Variants in SPATA33 observed in about 807,000 individuals in gnomAD.
SPATA33 encodes spermatogenesis-associated protein 33.
A neutral mutation model predicts 8.9 loss-of-function variants in SPATA33; 10 were observed. The observed-to-expected ratio is 1.12, with a 90% CI of 0.69 to 1.90. SPATA33 has a LOEUF of 1.90. SPATA33 is among the 40% of genes most tolerant of loss of function. The pLI is 0.00. For missense variants in SPATA33, 241 were observed against 178.3 expected (o/e 1.35, Z -2.00); for synonymous variants, 96 against 72.8 (o/e 1.32, Z -1.63).
At chr16:89,658,046 C>T (rs1009427002) in intron 1 of SPATA33, 98 bp downstream of exon 1, 1 of 1,455,336 alleles carries the variant, frequency 6.9e-7, no homozygotes, top group Non-Finnish European at 9.0e-7. Flanking sequence ...GCGCAGGCGC[C>T]AGGCTCGGCC....
At chr16:89,658,223 C>G in intron 1 of SPATA33, 25 bp from the exon 2 acceptor site, 1 of 1,613,462 alleles carries the variant, frequency 6.2e-7, no homozygotes, top group South Asian at 1.1e-5. Context: ...AGTCCCGGGT[C>G]TAACGGATGA....
intron 2 of SPATA33, 31 bp from the exon 3 acceptor site, chr16:89,669,255 C>T: frequency 6.2e-7 from 1 of 1,601,024 alleles, no homozygotes; most frequent in Middle Eastern, 1.7e-4. Flanking sequence ...TTCCACACAT[C>T]TACTAAATGC....
At chr16:89,662,418 A>C (rs1597803609) in intron 2 of SPATA33, among the ~76,000 whole-genome samples, 1 of 149,962 alleles carries the variant, frequency 6.7e-6, no homozygotes, top group Admixed American at 6.6e-5. Context: ...GTGTTTGAAC[A>C]CTTTTTTTTT....
rs1414984500 is a variant in SPATA33, at chr16:89,669,878, A to C, written c.*381A>C. ...GGGGAGGGTACACCAGGGTTGCCCCACCCTGTGAGAAGCCACCGCCCCCTT... is the reference window on the plus strand; with the variant it reads ...GGGGAGGGTACACCAGGGTTGCCCCCCCCTGTGAGAAGCCACCGCCCCCTT... On this transcript the variant is annotated 3_prime_UTR_variant, in exon 3 of 3. Coordinates refer to ENST00000579310, the MANE Select transcript of SPATA33 (RefSeq NM_001271907.2). 5 of 191,450 alleles carry C rather than the reference A, an allele frequency of 2.6e-5. No individual in the cohort carries two copies. Among genetic ancestry groups the C allele is most frequent in the African/African-American group, 6.3e-5 (2 of 31,956 alleles). 11.9% of individuals were successfully genotyped at this position (191,450 alleles called of 1,614,324 possible).
chr16:89,663,227 G>A (rs887067176), intron 2 of SPATA33, among the ~76,000 whole-genome samples: 3 of 150,208 alleles, frequency 2.0e-5, no homozygotes, highest in East Asian at 2.0e-4. Context: ...GTCACATGCT[G>A]TATGATTCCA....
Position 89,658,393 on chromosome 16 carries a change from G to A in SPATA33, c.183G>A (p.Lys61=). 2 of 1,611,450 alleles carry A rather than the reference G, an allele frequency of 1.2e-6. No homozygotes were observed. The highest frequency in any genetic ancestry group is 2.2e-5 in the South Asian group (2 of 90,966). The change falls in exon 2 of 3, where the codon AAG becomes AAA. Residue 61 remains lysine (K), a synonymous_variant. Coordinates refer to ENST00000579310, the MANE Select transcript of SPATA33 (RefSeq NM_001271907.2). ...TCCACCCGGGGGCCGGGACAGCCAA[G>A]CACCCGCCGCCGGCAGCTTCGCTGG... ...DSLHPGAGTA[K]HPPPAASLEE...
chr16:89,666,142 A>G (rs1014887840), intron 2 of SPATA33, among the ~76,000 whole-genome samples: 1 of 152,098 alleles, frequency 6.6e-6, no homozygotes, highest in African/African-American at 2.4e-5. Context: ...CAGAGGCATG[A>G]GGGGGTCGGG....
At chr16:89,665,242 G>T (rs1231606698) in intron 2 of SPATA33, among the ~76,000 whole-genome samples, 1 of 152,012 alleles carries the variant, frequency 6.6e-6, no homozygotes, top group East Asian at 1.9e-4. Context: ...CAATCTGCCT[G>T]CTTCAGCCTC....
chr16:89,658,272 C>G lies in SPATA33; in HGVS notation c.62C>G (p.Thr21Ser). 1 of 1,614,160 alleles carries G rather than the reference C, an allele frequency of 6.2e-7. No homozygotes were observed. The highest frequency in any genetic ancestry group is 8.5e-7 in the Non-Finnish European group (1 of 1,180,022). The change falls in exon 2 of 3, where the codon ACC becomes AGC. Residue 21 changes from threonine to serine, a missense_variant. Thr to Ser is a moderately conservative substitution (Grantham distance 58). Transcript: ENST00000579310. ...RKGEEQKKGS[T>S]YSVPKSKEKL... Reference sequence around the variant, plus strand: ...GGTGAGGAGCAAAAGAAGGGATCCACCTATTCAGTTCCAAAATCTAAGGAG... The same window carrying G: ...GGTGAGGAGCAAAAGAAGGGATCCAGCTATTCAGTTCCAAAATCTAAGGAG...
chr16:89,658,117 G>C, intron 1 of SPATA33, 131 bp from the exon 2 acceptor site: 3 of 1,510,268 alleles, frequency 2.0e-6, no homozygotes, highest in Non-Finnish European at 2.6e-6. Flanking sequence ...GCCTGAGGCG[G>C]TTACGGAAAC....
intron 2 of SPATA33, among the ~76,000 whole-genome samples, chr16:89,662,456 G>T (rs1362231605): frequency 1.4e-5 from 2 of 146,582 alleles, no homozygotes; most frequent in Admixed American, 6.9e-5. Context: ...CCTTCTTGTT[G>T]CCCAGGCTGG....
At chr16:89,663,775 A>G (rs2059991713) in intron 2 of SPATA33, among the ~76,000 whole-genome samples, 1 of 152,064 alleles carries the variant, frequency 6.6e-6, no homozygotes, top group Non-Finnish European at 1.5e-5. Context: ...CACTCATAGT[A>G]CCGGAGTCCA....
intron 2 of SPATA33, chr16:89,659,271 C>G (rs2059931959): frequency 6.6e-6 from 1 of 152,322 alleles, no homozygotes; most frequent in African/African-American, 2.4e-5. Context: ...CCAGCAAGGC[C>G]TTGCAGTAGG....
At chr16:89,664,090 G>T (rs1404669287) in intron 2 of SPATA33, among the ~76,000 whole-genome samples, 2 of 152,142 alleles carry the variant, frequency 1.3e-5, no homozygotes, top group Non-Finnish European at 2.9e-5. Flanking sequence ...CTGCCCTCCA[G>T]CCCCGGCGAC....
chr16:89,658,577 G>A, intron 2 of SPATA33, 156 bp downstream of exon 2: 1 of 928,666 alleles, frequency 1.1e-6, no homozygotes, highest in Non-Finnish European at 1.6e-6. Flanking sequence ...TTATGTAGGA[G>A]GTAAATATCC....
chr16:89,668,375 G>A (rs1009721041), intron 2 of SPATA33, among the ~76,000 whole-genome samples: 7 of 152,202 alleles, frequency 4.6e-5, no homozygotes, highest in Admixed American at 2.6e-4. Context: ...ATCCTACCTC[G>A]CATCCAGGTT....
chr16:89,666,590 A>C (rs1052340109), intron 2 of SPATA33, among the ~76,000 whole-genome samples: 1 of 152,074 alleles, frequency 6.6e-6, no homozygotes, highest in Admixed American at 6.6e-5. Flanking sequence ...GAGATGAGAG[A>C]GCGTAGAAAT....
chr16:89,666,100 A>C (rs2060022186), intron 2 of SPATA33, among the ~76,000 whole-genome samples: 1 of 152,092 alleles, frequency 6.6e-6, no homozygotes. Flanking sequence ...TAAATGAATA[A>C]AAATGAAAGC....
chr16:89,662,649 A>G (rs2151528792), intron 2 of SPATA33, among the ~76,000 whole-genome samples: 1 of 151,822 alleles, frequency 6.6e-6, no homozygotes, highest in East Asian at 1.9e-4. Flanking sequence ...CTGGCCTCAA[A>G]CTCCTGGCTT....
Sources: gnomAD v4.1 joint callset for allele counts (sites outside exome capture counted in the v4.1 genomes callset) on GRCh38, gnomAD v4.1.1 for gene constraint, MANE v1.5 for transcripts, NCBI Gene and HGNC (gene_info 2026-07-23, HGNC 2026-07-21) for gene names.